The following STAMBP variants were observed in gnomAD, a reference collection of about 807,000 sequenced individuals.
STAMBP encodes STAM binding protein, also known as STAM-binding protein.
STAMBP carries 31 observed loss-of-function variants against 50.7 expected under a neutral mutation model. The observed-to-expected ratio is 0.61, with a 90% confidence interval of 0.46 to 0.83. The LOEUF (loss-of-function observed/expected upper bound fraction) is 0.83, where lower values mean the gene tolerates loss of function less well. Ranked by LOEUF, STAMBP falls within the 40% of genes least tolerant of loss-of-function variation. The pLI is 0.00. For missense variants in STAMBP, 472 were observed against 518.9 expected (o/e 0.91, Z 0.88); for synonymous variants, 211 against 192.4 (o/e 1.10, Z -0.80).
chr2:73,872,392 G>T (rs189090680), intron 10 of STAMBP, among the ~76,000 whole-genome samples: 2 of 152,342 alleles, frequency 1.3e-5, no homozygotes, highest in East Asian at 1.9e-4. Context: ...GGACGATGGG[G>T]TAGTGACCTT....
At chr2:73,870,625 G>C (rs1210611145), downstream of STAMBP, among the ~76,000 whole-genome samples, 1 of 152,196 alleles carries the variant, frequency 6.6e-6, no homozygotes, top group African/African-American at 2.4e-5. Flanking sequence ...GGTGACAGAA[G>C]TGAAAACATT....
At chr2:73,870,089 G>A (rs928745376), downstream of STAMBP, 2 of 152,156 alleles carry the variant, frequency 1.3e-5, no homozygotes, top group Non-Finnish European at 2.9e-5. Flanking sequence ...GTACTACAAA[G>A]AACATGTATT....
At chr2:73,862,136 GA>G in intron 9 of STAMBP, 66 bp from the exon 10 acceptor site, 1 of 1,378,486 alleles carries the variant, frequency 7.3e-7, no homozygotes, top group Non-Finnish European at 9.8e-7. Context: ...GACCCTATAT[GA>G]AGAAAAAAAA....
At chr2:73,851,637 A>AT (rs61483994) in intron 7 of STAMBP, among the ~76,000 whole-genome samples, 4,994 of 135,670 alleles carry the variant, frequency 0.037, 181 homozygotes, top group African/African-American at 0.094. Flanking sequence ...ACAGTGGTAG[A>AT]TTTTTTTTTT....
chr2:73,871,834 C>G (rs1679212462), downstream of STAMBP, among the ~76,000 whole-genome samples: 1 of 152,080 alleles, frequency 6.6e-6, no homozygotes, highest in African/African-American at 2.4e-5. Flanking sequence ...GTGGCGTGAT[C>G]TCAGCTCACC....
chr2:73,872,250 G>A (rs1452653088), intron 10 of STAMBP, among the ~76,000 whole-genome samples: 1 of 152,124 alleles, frequency 6.6e-6, no homozygotes, highest in Non-Finnish European at 1.5e-5. Flanking sequence ...ACTGAGAGTG[G>A]GGCAGCATTC....
At chr2:73,860,437 T>C in intron 9 of STAMBP, 1 of 564,554 alleles carries the variant, frequency 1.8e-6, no homozygotes, top group Non-Finnish European at 2.4e-6. Flanking sequence ...TATAGGGTTC[T>C]TGAGATGATT....
In STAMBP at chr2:73,837,378, G is replaced by C. The variant is rs564982410; in HGVS notation, c.203+6319G>C. On this transcript the variant is annotated intron_variant, in intron 2 of 9. Coordinates refer to ENST00000394070, the MANE Select transcript of STAMBP (RefSeq NM_213622.4). ...AGGCTGGCGGATCACGAGGTCAGGA[G>C]ATCGAGACCATCCTGGCTAACATGG... Among the ~76,000 whole-genome samples, 359 of 152,168 alleles carry C rather than the reference G, an allele frequency of 2.4e-3. 1 individual carries two copies. The highest frequency in any genetic ancestry group is 4.5e-3 in the Non-Finnish European group (305 of 67,996).
intron 2 of STAMBP, among the ~76,000 whole-genome samples, chr2:73,843,971 A>G (rs1675755531): frequency 6.6e-6 from 1 of 152,238 alleles, no homozygotes; most frequent in Non-Finnish European, 1.5e-5. Context: ...TCCGTATGGA[A>G]GAAGTATGGT....
At chr2:73,873,054 T>C (rs898424007) in intron 10 of STAMBP, among the ~76,000 whole-genome samples, 1 of 152,212 alleles carries the variant, frequency 6.6e-6, no homozygotes, top group Admixed American at 6.5e-5. Flanking sequence ...GTAATTCTAC[T>C]GGAACTGTGG....
Position 73,864,246 on chromosome 2 carries a change from A to G in STAMBP, c.*1987A>G, listed in dbSNP as rs139995002. 1.3e-5 allele frequency: 2 copies of G among 152,326 alleles called. No homozygotes were observed. The highest frequency in any genetic ancestry group is 1.9e-4 in the East Asian group (1 of 5,188). 9.4% of individuals were successfully genotyped at this position (152,326 alleles called of 1,614,324 possible). ...GCTCTCTTATCCGTCTCTGCCCACC[A>G]AAGACATTCAGCCAGGTCAACAACA... is the stretch of plus-strand genomic sequence containing the variant. On this transcript the variant is annotated 3_prime_UTR_variant, in exon 10 of 10. Transcript: ENST00000394070.
chr2:73,834,232 AAAAAATATATATATATATATATATAT>A (rs1205269131), intron 2 of STAMBP, among the ~76,000 whole-genome samples: 9 of 15,330 alleles, frequency 5.9e-4, no homozygotes, highest in African/African-American at 2.8e-3. Flanking sequence ...AAAAAAAAAA[AAAAAATATATATATATATATATATAT>A]ATATATATAT....
intron 3 of STAMBP, 133 bp downstream of exon 3, chr2:73,845,021 A>C (rs1675884921): frequency 4.6e-6 from 7 of 1,518,480 alleles, no homozygotes; most frequent in Non-Finnish European, 6.2e-6. Context: ...TCACCACAAC[A>C]GTTCTGAAGT....
At chr2:73,839,204 T>C (rs559545170) in intron 2 of STAMBP, among the ~76,000 whole-genome samples, 3 of 152,334 alleles carry the variant, frequency 2.0e-5, no homozygotes, top group Non-Finnish European at 4.4e-5. Context: ...CTCAGGCATA[T>C]TTCCCCCCTC....
At chr2:73,834,860 C>G (rs1383877839) in intron 2 of STAMBP, among the ~76,000 whole-genome samples, 2 of 152,068 alleles carry the variant, frequency 1.3e-5, no homozygotes, top group Non-Finnish European at 2.9e-5. Context: ...ATGGGAAAGA[C>G]CTTAGCATGT....
At chr2:73,859,197 A>C in intron 7 of STAMBP, 57 bp from the exon 8 acceptor site, 1 of 1,396,910 alleles carries the variant, frequency 7.2e-7, no homozygotes, top group South Asian at 1.2e-5. Context: ...ATCGCAAATA[A>C]GGAGGGATTA....
In STAMBP at chr2:73,841,827, A is replaced by G. The variant is rs375227230; in HGVS notation, c.204-2986A>G. 5.3e-5 allele frequency among the ~76,000 whole-genome samples: 8 copies of G among 152,330 alleles called. No homozygotes were observed. In the East Asian group the frequency reaches 1.2e-3, roughly 22 times the overall value. On this transcript the variant is annotated intron_variant, in intron 2 of 9. Transcript: ENST00000394070. ...ACCACTAAGTTCTTTTACCTCCAGT[A>G]TGAGTAATGGGGTATGTTGCCCATT...
chr2:73,834,239 ATATATATAT>A (rs1558558129), intron 2 of STAMBP, among the ~76,000 whole-genome samples: 210 of 15,432 alleles, frequency 0.014, 5 homozygotes, highest in Non-Finnish European at 0.015. Flanking sequence ...AAAAAAAAAT[ATATATATAT>A]ATATATATAT....
chr2:73,844,232 G>A (rs1675788254), intron 2 of STAMBP, among the ~76,000 whole-genome samples: 1 of 152,200 alleles, frequency 6.6e-6, no homozygotes, highest in African/African-American at 2.4e-5. Flanking sequence ...CAAAGACAGT[G>A]CATGCTAACA....
Sources: gnomAD v4.1 joint callset for allele counts (sites outside exome capture counted in the v4.1 genomes callset) on GRCh38, gnomAD v4.1.1 for gene constraint, MANE v1.5 for transcripts, NCBI Gene and HGNC (gene_info 2026-07-23, HGNC 2026-07-21) for gene names.